Variants in ADAMTS17 observed in about 807,000 individuals in gnomAD.
The protein encoded by ADAMTS17 is ADAM metallopeptidase with thrombospondin type 1 motif 17.
A neutral mutation model predicts 141.5 loss-of-function variants in ADAMTS17; 113 were observed. That is an observed-to-expected ratio of 0.80 (90% CI 0.69 to 0.93). The LOEUF is 0.93. Ranked by LOEUF, ADAMTS17 falls within the 40% of genes least tolerant of loss-of-function variation. The probability of loss-of-function intolerance (pLI) is 0.00; values close to 1 mark genes in which losing one functional copy is unlikely to be tolerated. For synonymous variants in ADAMTS17, 768 were observed against 630.6 expected, an observed-to-expected ratio of 1.22 and a Z score of -3.27; for missense variants, 1,659 against 1,517.9, an observed-to-expected ratio of 1.09 and a Z score of -1.54.
At chr15:100,040,861 A>T (rs2031187474) in intron 18 of ADAMTS17, among the ~76,000 whole-genome samples, 1 of 152,206 alleles carries the variant, frequency 6.6e-6, no homozygotes, top group Non-Finnish European at 1.5e-5. Flanking sequence ...CCCCACTCAC[A>T]TACCATCAAC....
intron 18 of ADAMTS17, among the ~76,000 whole-genome samples, chr15:100,026,007 G>C (rs1045052173): frequency 2.0e-5 from 3 of 152,118 alleles, no homozygotes; most frequent in African/African-American, 7.2e-5. Context: ...AGCAAGGCTT[G>C]TAACTACAAC....
chr15:100,099,109 C>A, intron 14 of ADAMTS17, among the ~76,000 whole-genome samples: 1 of 152,208 alleles, frequency 6.6e-6, no homozygotes, highest in East Asian at 1.9e-4. Context: ...AAGAAGGGGG[C>A]TTTTCAGGGC....
At chr15:100,119,718 T>C (rs1233364821) in intron 12 of ADAMTS17, among the ~76,000 whole-genome samples, 1 of 152,224 alleles carries the variant, frequency 6.6e-6, no homozygotes, top group African/African-American at 2.4e-5. Flanking sequence ...ACACGTGCCT[T>C]GGCACACCTC....
At chr15:100,180,959 C>T (rs2040503502) in intron 8 of ADAMTS17, among the ~76,000 whole-genome samples, 1 of 152,182 alleles carries the variant, frequency 6.6e-6, no homozygotes, top group Non-Finnish European at 1.5e-5. Context: ...GAGCCAGGCA[C>T]TGGAGTCAAA....
At chr15:100,031,348 C>A (rs1596266999) in intron 18 of ADAMTS17, among the ~76,000 whole-genome samples, 1 of 152,216 alleles carries the variant, frequency 6.6e-6, no homozygotes, top group South Asian at 2.1e-4. Context: ...TCAATAAAGG[C>A]TGCTGTAAAG....
At chr15:100,085,291 G>C (rs2035024235) in intron 15 of ADAMTS17, among the ~76,000 whole-genome samples, 1 of 151,434 alleles carries the variant, frequency 6.6e-6, no homozygotes, top group African/African-American at 2.4e-5. Flanking sequence ...GAAGTTTAGA[G>C]AAAAAAGAAT....
chr15:100,094,479 T>C (rs1045625380), intron 15 of ADAMTS17, among the ~76,000 whole-genome samples: 1 of 152,244 alleles, frequency 6.6e-6, no homozygotes, highest in African/African-American at 2.4e-5. Flanking sequence ...GATCAGAGTC[T>C]GGGTAAAGGA....
At chr15:100,094,907 GA>G (rs774075952) in intron 15 of ADAMTS17, among the ~76,000 whole-genome samples, 1 of 152,186 alleles carries the variant, frequency 6.6e-6, no homozygotes, top group Non-Finnish European at 1.5e-5. Context: ...CAACGCTCTG[GA>G]GCTGTGCTGT....
At chr15:99,988,836 G>A (rs1241905560) in intron 20 of ADAMTS17, among the ~76,000 whole-genome samples, 4 of 152,212 alleles carry the variant, frequency 2.6e-5, no homozygotes, top group Non-Finnish European at 5.9e-5. Context: ...GAAGGCTCAT[G>A]GGCTGAGTGA....
chr15:100,052,952 A>T (rs1020325178), intron 16 of ADAMTS17, among the ~76,000 whole-genome samples: 2 of 152,258 alleles, frequency 1.3e-5, no homozygotes, highest in African/African-American at 4.8e-5. Flanking sequence ...CGGCAGAGCC[A>T]GCCTCCTCAG....
intron 18 of ADAMTS17, among the ~76,000 whole-genome samples, chr15:100,024,243 T>C (rs1271314552): frequency 6.6e-6 from 1 of 152,186 alleles, no homozygotes; most frequent in African/African-American, 2.4e-5. Context: ...CAAGCACATG[T>C]CACTGTAACT....
chr15:100,171,874 C>T (rs765938787), intron 8 of ADAMTS17, among the ~76,000 whole-genome samples: 20 of 152,168 alleles, frequency 1.3e-4, no homozygotes, highest in African/African-American at 4.3e-4. Flanking sequence ...GTCTTAACCC[C>T]GTGGAACTAT....
chr15:100,202,164 T>TC (rs1178315451), intron 7 of ADAMTS17, among the ~76,000 whole-genome samples: 1 of 151,452 alleles, frequency 6.6e-6, no homozygotes, highest in Non-Finnish European at 1.5e-5. Context: ...CACAAACACA[T>TC]CCCCCCTGGC....
At chr15:100,172,916 C>G (rs1201534636) in intron 8 of ADAMTS17, among the ~76,000 whole-genome samples, 1 of 152,210 alleles carries the variant, frequency 6.6e-6, no homozygotes, top group East Asian at 1.9e-4. Flanking sequence ...AACAAAGGAA[C>G]AAGCATTCTG....
chr15:100,303,428 T>C (rs1162640351), intron 3 of ADAMTS17, among the ~76,000 whole-genome samples: 2 of 151,616 alleles, frequency 1.3e-5, no homozygotes, highest in East Asian at 3.8e-4. Context: ...ACTTTTTTGA[T>C]GGTATCCTTT....
At chr15:100,064,539 G>A (rs2033377849) in intron 15 of ADAMTS17, among the ~76,000 whole-genome samples, 2 of 152,146 alleles carry the variant, frequency 1.3e-5, no homozygotes, top group South Asian at 4.2e-4. Context: ...GAACATCCGT[G>A]GGATGACAGC....
chr15:100,198,055 G>A (rs2041187283), intron 8 of ADAMTS17, among the ~76,000 whole-genome samples: 1 of 152,166 alleles, frequency 6.6e-6, no homozygotes, highest in African/African-American at 2.4e-5. Flanking sequence ...GACAGCATTA[G>A]GAGAAATACC....
At chr15:100,028,441 G>C (rs2029866519) in intron 18 of ADAMTS17, among the ~76,000 whole-genome samples, 1 of 152,232 alleles carries the variant, frequency 6.6e-6, no homozygotes, top group Non-Finnish European at 1.5e-5. Context: ...CAGAGCCTCA[G>C]AGATGACAGC....
At chr15:100,171,103 C>A (rs2040143258) in intron 8 of ADAMTS17, among the ~76,000 whole-genome samples, 1 of 152,050 alleles carries the variant, frequency 6.6e-6, no homozygotes, top group Non-Finnish European at 1.5e-5. Context: ...ACTTCCTATA[C>A]CCTTCAAAGG....
Sources: gnomAD v4.1 joint callset for allele counts (sites outside exome capture counted in the v4.1 genomes callset) on GRCh38, gnomAD v4.1.1 for gene constraint, MANE v1.5 for transcripts, NCBI Gene and HGNC (gene_info 2026-07-23, HGNC 2026-07-21) for gene names.